ZNF438: variants seen among roughly 807,000 people sequenced by gnomAD.
ZNF438 encodes zinc finger protein 438.
ZNF438 carries 25 observed loss-of-function variants against 38.0 expected under a neutral mutation model. That is an observed-to-expected ratio of 0.66 (90% confidence interval 0.48 to 0.92). The LOEUF is 0.92. Among genes scored for constraint, ZNF438 ranks in the 40% least tolerant of loss-of-function variants. The pLI is 0.00. For synonymous variants in ZNF438, 372 were observed against 364.1 expected (o/e 1.02, Z -0.25); for missense variants, 1,007 against 999.6 (o/e 1.01, Z -0.10).
exon 5 of ZNF438, chr10:30,849,670 C>G (rs1372504442): frequency 6.2e-7 from 1 of 1,614,056 alleles, no homozygotes; most frequent in Non-Finnish European, 8.5e-7. Context: ...TAGATGTTAT[C>G]TTGCTTACAA....
chr10:30,990,701 T>C (rs1392176304), intron 1 of ZNF438, among the ~76,000 whole-genome samples: 1 of 152,090 alleles, frequency 6.6e-6, no homozygotes, highest in East Asian at 1.9e-4. Context: ...ACACCACAAA[T>C]ACGCACACAT....
chr10:30,951,540 C>A lies in ZNF438; in HGVS notation c.-191-9889G>T, dbSNP rs1251605908. On this transcript the variant is annotated intron_variant, in intron 1 of 5. Transcript: ENST00000413025. ...AAAATCTCCTTAAGCTGATAAGCAA[C>A]TTCAGCAAAGTCTCAGGATACAAAA... Among the ~76,000 whole-genome samples the A allele has an allele frequency of 9.2e-5, 14 of 152,234 alleles. No individual in the cohort carries two copies. The East Asian group carries it at 2.5e-3, about 27-fold the overall frequency.
Position 30,861,649 on chromosome 10 carries a change from T to C in ZNF438, c.38-11282A>G, listed in dbSNP as rs552690211. 2.0e-5 allele frequency among the ~76,000 whole-genome samples: 3 copies of C among 149,326 alleles called. No individual in the cohort carries two copies. The East Asian group carries it at 5.8e-4, about 29-fold the overall frequency. On this transcript the variant is annotated intron_variant, in intron 4 of 5. Coordinates refer to ENST00000413025, the Ensembl canonical transcript of ZNF438. Reference sequence around the variant, plus strand: ...ATATTTTAATGATTCTCAATTTCAATGAATTTCTTCTTCATTCTAATTATG... The same window carrying C: ...ATATTTTAATGATTCTCAATTTCAACGAATTTCTTCTTCATTCTAATTATG...
intron 1 of ZNF438, among the ~76,000 whole-genome samples, chr10:30,988,225 C>G (rs1302009352): frequency 1.3e-5 from 2 of 151,524 alleles, no homozygotes; most frequent in Non-Finnish European, 2.9e-5. Flanking sequence ...TTTGAACTTA[C>G]CAGGTACCTC....
Position 30,845,537 on chromosome 10 carries a change from TAG to T in ZNF438, c.1909_1910del (p.Leu637LysfsTer31). On this transcript the variant is annotated frameshift_variant, in exon 6 of 6. Transcript: ENST00000413025. LOFTEE classifies it low-confidence loss of function (END_TRUNC). ...GTAATTTGACTTCGTCTGCCTGGTT[TAG>T]AAGGAAGTCTTCTTCCAGGTTGGAC... The T allele has an allele frequency of 6.2e-7, 1 of 1,613,304 alleles. No individual in the cohort carries two copies.
intron 4 of ZNF438, among the ~76,000 whole-genome samples, chr10:30,860,705 T>C (rs16932012): frequency 0.2 from 30,967 of 152,158 alleles, 3,433 homozygotes; most frequent in African/African-American, 0.29. Flanking sequence ...AAAGTGCTAA[T>C]TGGATTAACA....
chr10:30,848,555 C>T (rs1252223045), exon 5 of ZNF438: 11 of 1,613,394 alleles, frequency 6.8e-6, no homozygotes, highest in Admixed American at 1.7e-5. Flanking sequence ...CTCCATGCCT[C>T]GCACACTCAT....
intron 1 of ZNF438, among the ~76,000 whole-genome samples, chr10:30,944,167 G>A (rs75079338): frequency 6.6e-6 from 1 of 152,042 alleles, no homozygotes; most frequent in Non-Finnish European, 1.5e-5. Flanking sequence ...CATCTGTTTC[G>A]GCAAAAGACT....
intron 1 of ZNF438, among the ~76,000 whole-genome samples, chr10:30,973,156 T>C (rs1016287590): frequency 6.6e-6 from 1 of 152,238 alleles, no homozygotes; most frequent in Non-Finnish European, 1.5e-5. Flanking sequence ...TCTGAAAGTA[T>C]AGGCACCTTG....
intron 1 of ZNF438, among the ~76,000 whole-genome samples, chr10:31,010,722 G>GA (rs891583294): frequency 7.8e-4 from 115 of 148,300 alleles, no homozygotes; most frequent in Non-Finnish European, 1.4e-3. Flanking sequence ...CCCTGCTCCA[G>GA]AAAAAAAAAA....
At chr10:30,858,709 A>G (rs1484560289) in intron 4 of ZNF438, among the ~76,000 whole-genome samples, 1 of 152,206 alleles carries the variant, frequency 6.6e-6, no homozygotes, top group African/African-American at 2.4e-5. Flanking sequence ...TGCAAAGGAA[A>G]CAAGCACATT....
intron 4 of ZNF438, among the ~76,000 whole-genome samples, chr10:30,863,718 T>G (rs1483911905): frequency 2.6e-5 from 4 of 152,194 alleles, no homozygotes; most frequent in Non-Finnish European, 1.5e-5. Flanking sequence ...GTGGTCTCCT[T>G]AGGTAGATCC....
At chr10:30,919,392 A>C (rs758021628) in intron 2 of ZNF438, 2 of 151,930 alleles carry the variant, frequency 1.3e-5, no homozygotes, top group Non-Finnish European at 2.9e-5. Context: ...TTCTTTGTCA[A>C]ATTTTTCCAC....
chr10:30,926,973 A>G (rs749138924), intron 2 of ZNF438, among the ~76,000 whole-genome samples: 22 of 152,250 alleles, frequency 1.4e-4, no homozygotes, highest in Non-Finnish European at 2.6e-4. Flanking sequence ...GAGAGAAGAG[A>G]ATAAAAATAA....
At chr10:30,889,867 CA>C (rs2040455774) in intron 3 of ZNF438, among the ~76,000 whole-genome samples, 2 of 152,036 alleles carry the variant, frequency 1.3e-5, no homozygotes, top group South Asian at 2.1e-4. Flanking sequence ...TGATCTTGGA[CA>C]AATCATTTAA....
At chr10:31,016,857 G>A (rs1346610724) in intron 1 of ZNF438, among the ~76,000 whole-genome samples, 2 of 152,142 alleles carry the variant, frequency 1.3e-5, no homozygotes, top group African/African-American at 4.8e-5. Flanking sequence ...CCAAAGGTGG[G>A]AGTGCATCCT....
At chr10:30,902,053 G>T (rs1205374288) in intron 3 of ZNF438, among the ~76,000 whole-genome samples, 2 of 152,160 alleles carry the variant, frequency 1.3e-5, no homozygotes, top group Non-Finnish European at 2.9e-5. Context: ...AGGCAGTGTG[G>T]ACCCAAAGAG....
intron 4 of ZNF438, among the ~76,000 whole-genome samples, chr10:30,864,183 T>C (rs1013323051): frequency 1.3e-5 from 2 of 152,216 alleles, no homozygotes; most frequent in African/African-American, 4.8e-5. Context: ...CAAATAAATT[T>C]ATAAAAACCT....
chr10:30,852,924 C>T (rs1346729313), intron 4 of ZNF438, among the ~76,000 whole-genome samples: 1 of 151,822 alleles, frequency 6.6e-6, no homozygotes, highest in Non-Finnish European at 1.5e-5. Context: ...ATTTTCATAG[C>T]CTTTAAATTT....
Sources: allele counts gnomAD v4.1 joint callset (sites outside exome capture counted in the v4.1 genomes callset), GRCh38; gene constraint gnomAD v4.1.1; transcripts MANE v1.5; gene names NCBI Gene and HGNC (gene_info 2026-07-23, HGNC 2026-07-21).